The following DLGAP1 variants were observed in gnomAD, a reference collection of about 807,000 sequenced individuals.
DLGAP1 encodes the protein DLG associated protein 1, also known as disks large-associated protein 1.
DLGAP1 carries 11 observed loss-of-function variants against 90.8 expected under a neutral mutation model. The ratio of observed to expected loss-of-function variants is 0.12; its 90% CI spans 0.08 to 0.20. The LOEUF (loss-of-function observed/expected upper bound fraction) is 0.20. Ranked by LOEUF, DLGAP1 falls within the 10% of genes least tolerant of loss-of-function variation. The pLI, the probability that DLGAP1 is intolerant of heterozygous loss-of-function variation, is 1.00. For synonymous variants in DLGAP1, 558 were observed against 540.7 expected, an observed-to-expected ratio of 1.03 and a Z score of -0.44; for missense variants, 1,050 against 1,333.8, an observed-to-expected ratio of 0.79 and a Z score of 3.31.
intron 7 of DLGAP1, among the ~76,000 whole-genome samples, chr18:3,601,846 G>GGAAAAAA (rs749002612): frequency 3.1e-5 from 3 of 96,988 alleles, no homozygotes; most frequent in African/African-American, 9.5e-5. Flanking sequence ...CTCCATCTCG[G>GGAAAAAA]AAAAAAAAAA....
chr18:3,840,386 C>A (rs186148986), intron 4 of DLGAP1, among the ~76,000 whole-genome samples: 136 of 152,308 alleles, frequency 8.9e-4, no homozygotes, highest in Admixed American at 1.8e-3. Context: ...CATTTCCCTG[C>A]CTTTTCCCCT....
At chr18:4,317,286 T>A (rs682147) in intron 1 of DLGAP1, among the ~76,000 whole-genome samples, 148,370 of 152,256 alleles carry the variant, frequency 0.97, 72,423 homozygotes, top group Middle Eastern at 1. Flanking sequence ...ACCGGCTTAT[T>A]TAATTCTTCA....
rs149451845 is a variant in DLGAP1, at chr18:3,617,363, C to T, written c.1592-35115G>A. 5.0e-3 allele frequency among the ~76,000 whole-genome samples: 768 copies of T among 152,218 alleles called. 12 individuals carry two copies. The highest frequency in any genetic ancestry group is 0.018 in the African/African-American group (729 of 41,532). On this transcript the variant is annotated intron_variant, in intron 7 of 12. Coordinates refer to ENST00000315677, the MANE Select transcript of DLGAP1 (RefSeq NM_004746.4). ...CCTGTAATCCCGGCACTCTGGGAGG[C>T]CAAGGCAGGTGGATCACCTGAGGTC...
chr18:3,625,972 A>G (rs1314012585), intron 7 of DLGAP1, among the ~76,000 whole-genome samples: 1 of 152,220 alleles, frequency 6.6e-6, no homozygotes, highest in Non-Finnish European at 1.5e-5. Flanking sequence ...AGGGACAGAA[A>G]GTAGACTTGT....
intron 2 of DLGAP1, among the ~76,000 whole-genome samples, chr18:4,114,775 C>T (rs1482122978): frequency 1.3e-5 from 2 of 151,980 alleles, no homozygotes; most frequent in African/African-American, 4.8e-5. Flanking sequence ...GCCACTCTAG[C>T]TCTTTTAAGG....
intron 1 of DLGAP1, among the ~76,000 whole-genome samples, chr18:4,298,917 T>C (rs190277509): frequency 2.6e-5 from 4 of 151,708 alleles, no homozygotes; most frequent in Admixed American, 2.6e-4. Context: ...CCGTCTCTAC[T>C]AAAAATACAA....
At chr18:4,326,962 A>C (rs1359052709) in intron 1 of DLGAP1, among the ~76,000 whole-genome samples, 1 of 152,092 alleles carries the variant, frequency 6.6e-6, no homozygotes, top group Non-Finnish European at 1.5e-5. Flanking sequence ...TGTACAGTTT[A>C]CCTATATGAC....
chr18:3,499,632 T>C lies in DLGAP1; in HGVS notation c.2725-238A>G, dbSNP rs2049824982. 6.6e-6 allele frequency among the ~76,000 whole-genome samples: 1 copy of C among 151,490 alleles called. No homozygotes were observed. Among genetic ancestry groups the C allele is most frequent in the Admixed American group, 6.6e-5 (1 of 15,250 alleles). ...GGTAAGGCTGGGTTGCAGAACTAGG[T>C]CTCTCCAAGGGAAGGAAGTGGGTAT... On this transcript the variant is annotated intron_variant, in intron 12 of 12. Transcript: ENST00000315677. The surrounding 1 kb of genome is among the most constrained non-coding windows in gnomAD (Gnocchi z 6.4).
chr18:4,214,123 T>A (rs985857860), intron 1 of DLGAP1, among the ~76,000 whole-genome samples: 17 of 152,108 alleles, frequency 1.1e-4, no homozygotes, highest in African/African-American at 4.1e-4. Context: ...AAAAGAGGAC[T>A]TTGGACTTTA....
chr18:3,798,223 A>C (rs1456036593), intron 5 of DLGAP1, among the ~76,000 whole-genome samples: 1 of 152,236 alleles, frequency 6.6e-6, no homozygotes, highest in Non-Finnish European at 1.5e-5. Context: ...TTAATCATTC[A>C]ACTTGCCAGT....
chr18:3,523,626 T>C (rs1429674949), intron 10 of DLGAP1, among the ~76,000 whole-genome samples: 2 of 150,816 alleles, frequency 1.3e-5, no homozygotes, highest in Admixed American at 6.6e-5. Context: ...GGAGGGCGGA[T>C]CACGAGGTCA....
chr18:4,093,439 A>G (rs2075620596), intron 2 of DLGAP1, among the ~76,000 whole-genome samples: 5 of 152,222 alleles, frequency 3.3e-5, no homozygotes. Context: ...GAATATGGGA[A>G]GCCTACTAGT....
intron 6 of DLGAP1, among the ~76,000 whole-genome samples, chr18:3,741,097 C>T (rs1568048331): frequency 5.4e-5 from 7 of 130,758 alleles, no homozygotes; most frequent in Admixed American, 7.5e-5. Flanking sequence ...ATCACCACCA[C>T]CACCATCACC....
intron 9 of DLGAP1, among the ~76,000 whole-genome samples, chr18:3,550,893 C>T (rs990074532): frequency 6.6e-6 from 1 of 151,882 alleles, no homozygotes; most frequent in Admixed American, 6.6e-5. Context: ...AGGGGCCCAC[C>T]ACCACGCCTG....
chr18:4,321,318 T>C (rs1472645716), intron 1 of DLGAP1, among the ~76,000 whole-genome samples: 1 of 152,252 alleles, frequency 6.6e-6, no homozygotes, highest in East Asian at 1.9e-4. Context: ...TCATTATTAT[T>C]TCACCTGTTA....
At chr18:4,058,724 A>T (rs1477886851) in intron 2 of DLGAP1, among the ~76,000 whole-genome samples, 2 of 152,154 alleles carry the variant, frequency 1.3e-5, no homozygotes, top group African/African-American at 2.4e-5. Flanking sequence ...TTCCTCCTGT[A>T]GCCTCCGTTT....
intron 8 of DLGAP1, among the ~76,000 whole-genome samples, chr18:3,570,909 A>C (rs1384279025): frequency 6.7e-6 from 1 of 148,638 alleles, no homozygotes; most frequent in Non-Finnish European, 1.5e-5. Context: ...AGCCTGAGTG[A>C]CAGAGCAAGA....
intron 4 of DLGAP1, chr18:3,845,331 TTC>T: frequency 6.3e-7 from 1 of 1,587,262 alleles, no homozygotes; most frequent in Non-Finnish European, 8.6e-7. Flanking sequence ...AGCATTTAGC[TTC>T]TCTCTATGAT....
At chr18:4,079,823 A>C in intron 2 of DLGAP1, among the ~76,000 whole-genome samples, 1 of 151,980 alleles carries the variant, frequency 6.6e-6, no homozygotes, top group Non-Finnish European at 1.5e-5. Context: ...TGCTTGAGTT[A>C]AGGGGGAAAA....
Sources: allele counts gnomAD v4.1 joint callset (sites outside exome capture counted in the v4.1 genomes callset), GRCh38; gene constraint gnomAD v4.1.1; non-coding constraint Gnocchi (gnomAD v3.1); transcripts MANE v1.5; gene names NCBI Gene and HGNC (gene_info 2026-07-23, HGNC 2026-07-21).